NEGR1: variants seen among roughly 807,000 people sequenced by gnomAD.
NEGR1 encodes IgLON family member 4.
Under a neutral mutation model 40.9 loss-of-function variants are expected in NEGR1, and 10 were observed. That is an observed-to-expected ratio of 0.24 (90% CI 0.15 to 0.42). The LOEUF (loss-of-function observed/expected upper bound fraction) is 0.42, where lower values mean the gene tolerates loss of function less well. Among genes scored for constraint, NEGR1 ranks in the 10% least tolerant of loss-of-function variants. The probability of loss-of-function intolerance (pLI) is 1.00; values close to 1 mark genes in which losing one functional copy is unlikely to be tolerated. For synonymous variants in NEGR1, 185 were observed against 166.8 expected (o/e 1.11, Z -0.84); for missense variants, 352 against 438.9 (o/e 0.80, Z 1.77).
chr1:71,514,407 T>C (rs1647103696), intron 6 of NEGR1, among the ~76,000 whole-genome samples: 1 of 97,364 alleles, frequency 1.0e-5, no homozygotes, highest in African/African-American at 4.4e-5. Context: ...CTCAAGTGGG[T>C]CCCTGACCCC....
chr1:71,433,834 T>A (rs895099075), intron 6 of NEGR1, among the ~76,000 whole-genome samples: 3 of 152,222 alleles, frequency 2.0e-5, no homozygotes, highest in Non-Finnish European at 2.9e-5. Context: ...GCTTCAAAGT[T>A]TATTGTTACT....
intron 6 of NEGR1, among the ~76,000 whole-genome samples, chr1:71,445,757 G>T (rs1382849897): frequency 6.6e-6 from 1 of 152,146 alleles, no homozygotes; most frequent in Non-Finnish European, 1.5e-5. Flanking sequence ...CTTCCTGATG[G>T]GAACCTGCAT....
rs1306343315 is a variant in NEGR1 at position 71,609,549 on chromosome 1, A to G, written c.788+1477T>C. On this transcript the variant is annotated intron_variant, in intron 5 of 6. Transcript: ENST00000357731. ...AAAAAAAAAAAAAAAAAAAAAAAAA[A>G]AAAAAAAGAAATGAGACTGTTATGG... 5.6e-5 allele frequency among the ~76,000 whole-genome samples: 8 copies of G among 143,264 alleles called. No homozygotes were observed. In the South Asian group the frequency reaches 8.9e-4, roughly 16 times the overall value. 94.0% of individuals were successfully genotyped at this position (143,264 alleles called of 152,430 possible).
intron 6 of NEGR1, chr1:71,409,055 A>G (rs1315427332): frequency 6.6e-6 from 1 of 152,064 alleles, no homozygotes; most frequent in Non-Finnish European, 1.5e-5. Flanking sequence ...TTTAATAAAC[A>G]AAGAGCAAAA....
At chr1:71,474,570 G>C (rs1646806880) in intron 6 of NEGR1, among the ~76,000 whole-genome samples, 1 of 145,288 alleles carries the variant, frequency 6.9e-6, no homozygotes, top group Admixed American at 6.8e-5. Context: ...AATTAGCCAG[G>C]CGTGGTGGCA....
At chr1:71,819,177 T>G (rs527796072) in intron 2 of NEGR1, among the ~76,000 whole-genome samples, 3 of 151,998 alleles carry the variant, frequency 2.0e-5, no homozygotes, top group Non-Finnish European at 2.9e-5. Context: ...GGTGATAGAA[T>G]TCTGCCCAGC....
chr1:71,512,474 CCACAG>C (rs1422415556), intron 6 of NEGR1, among the ~76,000 whole-genome samples: 1 of 151,820 alleles, frequency 6.6e-6, no homozygotes, highest in African/African-American at 2.4e-5. Context: ...CAATTGTGCA[CCACAG>C]GCTCAACTAA....
At chr1:71,880,024 T>C (rs1378731349) in intron 2 of NEGR1, among the ~76,000 whole-genome samples, 2 of 152,178 alleles carry the variant, frequency 1.3e-5, no homozygotes, top group African/African-American at 4.8e-5. Flanking sequence ...TTTCTTGTCA[T>C]GAAATATTTT....
chr1:72,271,529 C>A (rs756576272), intron 1 of NEGR1, among the ~76,000 whole-genome samples: 1 of 151,850 alleles, frequency 6.6e-6, no homozygotes, highest in Non-Finnish European at 1.5e-5. Context: ...AAAATGGCCC[C>A]TGACCCAATT....
At chr1:72,213,094 G>A (rs752278875) in intron 1 of NEGR1, among the ~76,000 whole-genome samples, 3 of 151,966 alleles carry the variant, frequency 2.0e-5, no homozygotes, top group South Asian at 2.1e-4. Context: ...TTATTTTTCT[G>A]ATGAAAAAGA....
intron 1 of NEGR1, among the ~76,000 whole-genome samples, chr1:72,168,089 TC>T (rs1365063208): frequency 6.6e-6 from 1 of 151,254 alleles, no homozygotes; most frequent in African/African-American, 2.4e-5. Context: ...AACTGCAACC[TC>T]CACCTCCCAG....
intron 6 of NEGR1, among the ~76,000 whole-genome samples, chr1:71,537,228 G>C (rs1307334347): frequency 6.6e-6 from 1 of 151,710 alleles, no homozygotes; most frequent in Non-Finnish European, 1.5e-5. Flanking sequence ...GGCACAGAGA[G>C]ATTAAATATC....
At chr1:72,126,924 A>G (rs1227006174) in intron 1 of NEGR1, among the ~76,000 whole-genome samples, 2 of 152,138 alleles carry the variant, frequency 1.3e-5, no homozygotes, top group African/African-American at 2.4e-5. Context: ...ATTTGCCCCA[A>G]AGAGAGACTT....
At chr1:71,745,905 T>C (rs1346599693) in intron 3 of NEGR1, among the ~76,000 whole-genome samples, 2 of 152,102 alleles carry the variant, frequency 1.3e-5, no homozygotes, top group Non-Finnish European at 2.9e-5. Context: ...CATAAAGTAA[T>C]TAAGATGTTC....
chr1:71,791,302 T>G (rs1657105192), intron 2 of NEGR1, among the ~76,000 whole-genome samples: 1 of 152,080 alleles, frequency 6.6e-6, no homozygotes, highest in Non-Finnish European at 1.5e-5. Flanking sequence ...TATCACTTTC[T>G]CAATATTTTA....
intron 1 of NEGR1, among the ~76,000 whole-genome samples, chr1:72,213,993 G>A (rs1219609637): frequency 3.3e-5 from 5 of 151,968 alleles, no homozygotes; most frequent in South Asian, 4.2e-4. Flanking sequence ...TGAATCTAGC[G>A]GCACATCAAA....
intron 2 of NEGR1, among the ~76,000 whole-genome samples, chr1:71,787,379 T>G (rs1024373663): frequency 6.6e-6 from 1 of 152,122 alleles, no homozygotes; most frequent in Non-Finnish European, 1.5e-5. Context: ...AACAAAAATA[T>G]CTAATGTTAT....
Position 71,405,934 on chromosome 1 carries a change from T to A in NEGR1, c.*1512A>T, listed in dbSNP as rs1646275401. ...GTAAAGAGTGAAACCATCAAACTAT[T>A]CCTGTAAATTAATGTTAGAGTAACA... On this transcript the variant is annotated 3_prime_UTR_variant, in exon 7 of 7. Transcript: ENST00000357731. 6.6e-6 allele frequency: 1 copy of A among 152,242 alleles called. No individual in the cohort carries two copies. Among genetic ancestry groups the A allele is most frequent in the Admixed American group, 6.6e-5 (1 of 15,192 alleles). 9.4% of individuals were successfully genotyped at this position (152,242 alleles called of 1,614,324 possible). A position where few individuals can be genotyped will look rare whatever the true frequency, so the allele number is the denominator to read the frequency against.
intron 1 of NEGR1, among the ~76,000 whole-genome samples, chr1:71,946,059 G>T (rs59499688): frequency 0.036 from 5,463 of 150,226 alleles, 325 homozygotes; most frequent in African/African-American, 0.13. Context: ...CTTTTTTTTT[G>T]TGTGGGAGTG....
Sources: gnomAD v4.1 joint callset for allele counts (sites outside exome capture counted in the v4.1 genomes callset) on GRCh38, gnomAD v4.1.1 for gene constraint, MANE v1.5 for transcripts, NCBI Gene and HGNC (gene_info 2026-07-23, HGNC 2026-07-21) for gene names.